The following PDPR variants were observed in gnomAD, a reference collection of about 807,000 sequenced individuals.
PDPR encodes the protein pyruvate dehydrogenase phosphatase regulatory subunit, also known as pyruvate dehydrogenase phosphatase regulatory subunit, mitochondrial.
In PDPR, 50 loss-of-function variants were observed where a neutral mutation model predicts 102.2. The ratio of observed to expected loss-of-function variants is 0.49; its 90% CI spans 0.39 to 0.62. The LOEUF (loss-of-function observed/expected upper bound fraction) is 0.62, where lower values mean the gene tolerates loss of function less well. PDPR is among the 20% of genes least tolerant of loss of function. The pLI is 0.00. For synonymous variants in PDPR, 259 were observed against 406.0 expected, an observed-to-expected ratio of 0.64 and a Z score of 4.35; for missense variants, 625 against 1,098.2, an observed-to-expected ratio of 0.57 and a Z score of 6.09.
chr16:70,132,429 G>C lies in PDPR; in HGVS notation c.997+129G>C, dbSNP rs1964633010. The C allele has an allele frequency of 1.2e-5, 10 of 858,548 alleles. 1 individual carries two copies. Among genetic ancestry groups the C allele is most frequent in the Middle Eastern group, 2.5e-4 (1 of 4,000 alleles). 53.2% of individuals were successfully genotyped at this position (858,548 alleles called of 1,614,324 possible). ...GCCATGAGGTACAACAGTGGTTACA[G>C]AGGGTGAGTTTGCCTGGTCTGAGGA... On this transcript the variant is annotated intron_variant, in intron 9 of 18. Coordinates refer to ENST00000288050, the MANE Select transcript of PDPR (RefSeq NM_017990.5).
chr16:70,144,951 C>A (rs867096087), intron 15 of PDPR, among the ~76,000 whole-genome samples: 3 of 147,314 alleles, frequency 2.0e-5, no homozygotes, highest in African/African-American at 2.5e-5. Context: ...GACTCCATCT[C>A]AAAAAAAAAA....
intron 2 of PDPR, among the ~76,000 whole-genome samples, chr16:70,119,804 T>C (rs1360152516): frequency 2.7e-5 from 4 of 150,722 alleles, no homozygotes; most frequent in Non-Finnish European, 5.9e-5. Flanking sequence ...ACGCAAACTC[T>C]CAAATGTAAA....
Position 70,157,722 on chromosome 16 carries a change from G to C in PDPR, c.*843G>C, listed in dbSNP as rs1967377058. On this transcript the variant is annotated 3_prime_UTR_variant, in exon 19 of 19. Transcript: ENST00000288050. ...GTCTGACCTTAGAAAGTCCCCACCA[G>C]TGATGCTGAGTGTTCTGCTATGGAA... 6.3e-6 allele frequency: 1 copy of C among 158,176 alleles called. No homozygotes were observed. The highest frequency in any genetic ancestry group is 1.4e-5 in the Non-Finnish European group (1 of 71,614). 9.8% of individuals were successfully genotyped at this position (158,176 alleles called of 1,614,324 possible).
rs1479578725 is a variant in PDPR, at chr16:70,161,922, G to A, written c.*5043G>A. ...TCAAAGACAGAAATTACAGGAGATA[G>A]GGAGGGTTTTTTAGCATCTCTTTCA... is the stretch of plus-strand genomic sequence containing the variant. On this transcript the variant is annotated 3_prime_UTR_variant, in exon 19 of 19. Coordinates refer to ENST00000288050, the MANE Select transcript of PDPR (RefSeq NM_017990.5). 1 of 152,344 alleles carries A rather than the reference G, an allele frequency of 6.6e-6. No homozygotes were observed. Among genetic ancestry groups the A allele is most frequent in the Non-Finnish European group, 1.5e-5 (1 of 68,074 alleles). The allele number at this position is 152,344 out of a possible 1,614,324, so 9.4% of individuals were successfully genotyped here.
chr16:70,151,265 T>G (rs542737929), intron 17 of PDPR, among the ~76,000 whole-genome samples: 50 of 152,316 alleles, frequency 3.3e-4, no homozygotes, highest in South Asian at 1.0e-3. Context: ...TTTGAGAGTC[T>G]CAATATGTTG....
chr16:70,151,204 G>A lies in PDPR; in HGVS notation c.2053-2187G>A, dbSNP rs553350981. On this transcript the variant is annotated intron_variant, in intron 17 of 18. Transcript: ENST00000288050. ...CTGCCTCAGCCTCCCAAAGTGCTGG[G>A]ATTACAGGCATGAGCCACCGCACCC... is the stretch of plus-strand genomic sequence containing the variant. Among the ~76,000 whole-genome samples the A allele has an allele frequency of 5.9e-5, 9 of 152,392 alleles. No individual in the cohort carries two copies. In the South Asian group the frequency reaches 1.4e-3, roughly 25 times the overall value.
In PDPR at chr16:70,156,774, G is replaced by A. The variant is rs749320143; in HGVS notation, c.2535G>A (p.Ala845=). The A allele has an allele frequency of 1.9e-5, 31 of 1,613,972 alleles. No individual in the cohort carries two copies. Among genetic ancestry groups the A allele is most frequent in the Middle Eastern group, 1.6e-4 (1 of 6,082 alleles). Reference sequence around the variant, plus strand: ...GGGGAGAGTATGAGATTGACATCGCGGGATACCGCTTCCAGGCCAAGGCCA... The same window carrying A: ...GGGGAGAGTATGAGATTGACATCGCAGGATACCGCTTCCAGGCCAAGGCCA... ...INRGEYEIDI[A]GYRFQAKAKL... is the part of the protein sequence containing the mutation. Residue 845 remains alanine, a synonymous_variant, in exon 19 of 19, where the codon GCG becomes GCA. Coordinates refer to ENST00000288050, the MANE Select transcript of PDPR (RefSeq NM_017990.5).
At chr16:70,148,599 TCCC>T in intron 17 of PDPR, 46 bp downstream of exon 17, 2 of 1,468,194 alleles carry the variant, frequency 1.4e-6, no homozygotes, top group East Asian at 4.8e-5. Context: ...TCCCTTCCCT[TCCC>T]TTCCCTTCCC....
chr16:70,157,463 C>T lies in PDPR; in HGVS notation c.*584C>T, dbSNP rs934577693. 14 of 343,578 alleles carry T rather than the reference C, an allele frequency of 4.1e-5. No homozygotes were observed. The highest frequency in any genetic ancestry group is 2.1e-4 in the African/African-American group (10 of 46,532). The allele number at this position is 343,578 out of a possible 1,614,324, so 21.3% of individuals were successfully genotyped here. The stretch of plus-strand genomic sequence containing the variant: ...TCACTGATAAGAGGCATCGCATGGA[C>T]GTTCTCTGGTCTGTAGTGGAGACAA... On this transcript the variant is annotated 3_prime_UTR_variant, in exon 19 of 19. Transcript: ENST00000288050.
intron 7 of PDPR, among the ~76,000 whole-genome samples, chr16:70,130,957 T>C (rs527280191): frequency 6.6e-6 from 1 of 152,412 alleles, no homozygotes; most frequent in Non-Finnish European, 1.5e-5. Flanking sequence ...GATCCCGAAG[T>C]GAACTAAGAA....
intron 18 of PDPR, 64 bp downstream of exon 18, chr16:70,153,637 A>G (rs2152119934): frequency 1.4e-6 from 2 of 1,466,668 alleles, no homozygotes; most frequent in Non-Finnish European, 1.8e-6. Context: ...GCACTAGACT[A>G]GGAAGAAGAA....
chr16:70,151,132 C>T (rs758483752), intron 17 of PDPR, among the ~76,000 whole-genome samples: 5 of 152,276 alleles, frequency 3.3e-5, no homozygotes, highest in Admixed American at 6.5e-5. Flanking sequence ...GACAGGGTTT[C>T]ACCGTGTTGG....
intron 2 of PDPR, among the ~76,000 whole-genome samples, chr16:70,115,255 C>T (rs1567512474): frequency 6.6e-6 from 1 of 152,104 alleles, no homozygotes; most frequent in Non-Finnish European, 1.5e-5. Flanking sequence ...TCCCAAGTAG[C>T]TGGGAATACA....
Position 70,120,665 on chromosome 16 carries a change from C to T in PDPR, c.173C>T (p.Ala58Val). ...GGTGGAATCACGGGCACTTCTGTGG[C>T]CTATCACCTCTCCAAAATGGGGTGG... ...CGGGITGTSV[A>V]YHLSKMGWKD... Residue 58 changes from alanine to valine, a missense_variant, in exon 3 of 19, where the codon GCC becomes GTC. Ala to Val is a moderately conservative substitution (Grantham distance 64). Around this residue, in one of 11 missense-constraint regions of PDPR, gnomAD observed 84 missense variants for 87.7 expected, o/e 0.96. Coordinates refer to ENST00000288050, the MANE Select transcript of PDPR (RefSeq NM_017990.5). The T allele has an allele frequency of 6.2e-7, 1 of 1,613,834 alleles. No individual in the cohort carries two copies. The highest frequency in any genetic ancestry group is 8.5e-7 in the Non-Finnish European group (1 of 1,179,772).
chr16:70,157,401 G>A lies in PDPR; in HGVS notation c.*522G>A. On this transcript the variant is annotated 3_prime_UTR_variant, in exon 19 of 19. Transcript: ENST00000288050. ...TCCTGTTCTGCTGTGCTGTGGGCTG[G>A]CACTCGATACCTCTGGCAAGAGGAT... The A allele has an allele frequency of 5.6e-6, 2 of 359,820 alleles. No homozygotes were observed. The highest frequency in any genetic ancestry group is 4.2e-5 in the South Asian group (2 of 47,336). 22.3% of individuals were successfully genotyped at this position (359,820 alleles called of 1,614,324 possible). A position where few individuals can be genotyped will look rare whatever the true frequency, so the allele number is the denominator to read the frequency against.
chr16:70,130,601 G>C (rs964420351), intron 7 of PDPR, 57 bp downstream of exon 7: 1 of 1,607,738 alleles, frequency 6.2e-7, no homozygotes, highest in Admixed American at 1.7e-5. Flanking sequence ...AGATTTTTTT[G>C]GTGTAGAGAA....
In PDPR at chr16:70,119,915, TG is replaced by T. The variant is rs1179406920; in HGVS notation, c.-32-545del. On this transcript the variant is annotated intron_variant, in intron 2 of 18. Coordinates refer to ENST00000288050, the MANE Select transcript of PDPR (RefSeq NM_017990.5). ...TTTCTTTTTTTGTTTTTTTTTTGTT[TG>T]TTTGTTTGTTTTTTTTTTGAGACGG... 1.8e-3 allele frequency among the ~76,000 whole-genome samples: 249 copies of T among 135,168 alleles called. 3 individuals carry two copies. The highest frequency in any genetic ancestry group is 9.0e-3 in the African/African-American group (233 of 26,018). 88.7% of individuals were successfully genotyped at this position (135,168 alleles called of 152,430 possible).
At chr16:70,142,878 G>A (rs1161129112) in intron 13 of PDPR, among the ~76,000 whole-genome samples, 192 bp downstream of exon 13, 2 of 152,280 alleles carry the variant, frequency 1.3e-5, no homozygotes, top group Admixed American at 6.5e-5. Context: ...GGCCAAGATG[G>A]TGAAACCCCG....
At chr16:70,118,758 TTC>T in intron 2 of PDPR, among the ~76,000 whole-genome samples, 1 of 152,212 alleles carries the variant, frequency 6.6e-6, no homozygotes, top group African/African-American at 2.4e-5. Flanking sequence ...GTAGAGAAGC[TTC>T]TGTTTTGAGA....
Sources: allele counts gnomAD v4.1 joint callset (sites outside exome capture counted in the v4.1 genomes callset), GRCh38; gene constraint gnomAD v4.1.1; regional missense constraint gnomAD v4.1.1; transcripts MANE v1.5; gene names NCBI Gene and HGNC (gene_info 2026-07-23, HGNC 2026-07-21).